TMEM260: variants seen among roughly 807,000 people sequenced by gnomAD.
TMEM260 encodes protein O-mannosyl-transferase TMEM260.
TMEM260 carries 82 observed loss-of-function variants against 88.9 expected under a neutral mutation model. The observed-to-expected ratio is 0.92, with a 90% confidence interval of 0.77 to 1.11. TMEM260 has a LOEUF of 1.11. TMEM260 is among the 50% of genes least tolerant of loss of function. TMEM260 has a pLI of 0.00. For synonymous variants in TMEM260, 314 were observed against 309.3 expected, an observed-to-expected ratio of 1.02 and a Z score of -0.16; for missense variants, 902 against 853.4, an observed-to-expected ratio of 1.06 and a Z score of -0.71.
intron 15 of TMEM260, among the ~76,000 whole-genome samples, chr14:56,640,617 A>G (rs1889512777): frequency 6.6e-6 from 1 of 152,234 alleles, no homozygotes; most frequent in Non-Finnish European, 1.5e-5. Context: ...ACAGCTCCTC[A>G]CCAGCAATGG....
chr14:56,640,172 G>C (rs1310882068), intron 15 of TMEM260, among the ~76,000 whole-genome samples: 1 of 152,214 alleles, frequency 6.6e-6, no homozygotes, highest in Admixed American at 6.5e-5. Context: ...TGCAGCCTGA[G>C]ATCTGAGAAT....
At chr14:56,618,475 C>A in intron 9 of TMEM260, 119 bp from the exon 10 acceptor site, 1 of 905,084 alleles carries the variant, frequency 1.1e-6, no homozygotes. Flanking sequence ...TTAACAAAAC[C>A]TGAATGACAA....
At chr14:56,640,945 A>T (rs1036209865) in intron 15 of TMEM260, among the ~76,000 whole-genome samples, 4 of 151,084 alleles carry the variant, frequency 2.6e-5, no homozygotes, top group Non-Finnish European at 5.9e-5. Context: ...TTAGAGAAAA[A>T]AGAATAACAA....
At chr14:56,656,918 A>G in the TMEM260 span, among the ~76,000 whole-genome samples, 1 of 152,208 alleles carries the variant, frequency 6.6e-6, no homozygotes, top group East Asian at 1.9e-4. Flanking sequence ...AATCGTGTGC[A>G]CAATTCATTT....
intron 14 of TMEM260, among the ~76,000 whole-genome samples, chr14:56,636,134 C>A (rs1055495335): frequency 6.6e-6 from 1 of 152,120 alleles, no homozygotes; most frequent in Non-Finnish European, 1.5e-5. Context: ...CTTGGAAGAA[C>A]TGGGCACACA....
At chr14:56,608,964 A>G (rs1887080933) in intron 5 of TMEM260, 142 bp from the exon 6 acceptor site, 1 of 871,672 alleles carries the variant, frequency 1.1e-6, no homozygotes, top group South Asian at 1.9e-5. Flanking sequence ...GGTTTAACAT[A>G]GTATTCTGTG....
rs937708052 is a variant in TMEM260, at chr14:56,648,432, C to T, written c.*935C>T. On this transcript the variant is annotated 3_prime_UTR_variant, in exon 16 of 16. Transcript: ENST00000261556. ...TTAATGAATAAAGTCACTCAGAGTC[C>T]TTCAGCACTTCCTAAGTAGAGGCCA... 3 of 152,566 alleles carry T rather than the reference C, an allele frequency of 2.0e-5. No homozygotes were observed. Among genetic ancestry groups the T allele is most frequent in the African/African-American group, 7.2e-5 (3 of 41,430 alleles). 9.5% of individuals were successfully genotyped at this position (152,566 alleles called of 1,614,324 possible).
intron 11 of TMEM260, among the ~76,000 whole-genome samples, chr14:56,623,544 C>T (rs188609142): frequency 6.6e-6 from 1 of 152,254 alleles, no homozygotes; most frequent in Admixed American, 6.5e-5. Context: ...AACATTGCAG[C>T]CTGAGCTACC....
At chr14:56,636,091 G>C (rs1177550892) in intron 14 of TMEM260, among the ~76,000 whole-genome samples, 1 of 152,134 alleles carries the variant, frequency 6.6e-6, no homozygotes, top group African/African-American at 2.4e-5. Flanking sequence ...AATACAACTT[G>C]GATGAGTTCA....
At chr14:56,581,252 G>T (rs1321272059) in intron 1 of TMEM260, among the ~76,000 whole-genome samples, 1 of 152,190 alleles carries the variant, frequency 6.6e-6, no homozygotes, top group Non-Finnish European at 1.5e-5. Flanking sequence ...CCATATTCAA[G>T]GGGGAAGGAT....
chr14:56,639,142 A>G (rs955828439), intron 15 of TMEM260, among the ~76,000 whole-genome samples: 3 of 152,148 alleles, frequency 2.0e-5, no homozygotes, highest in East Asian at 1.9e-4. Context: ...TTGGACTTCA[A>G]CACCTTAGTG....
chr14:56,631,735 C>G (rs958712853), intron 12 of TMEM260, among the ~76,000 whole-genome samples: 5 of 152,186 alleles, frequency 3.3e-5, no homozygotes, highest in Non-Finnish European at 5.9e-5. Flanking sequence ...CGGTTAAACT[C>G]TGCTGTTTTG....
intron 15 of TMEM260, among the ~76,000 whole-genome samples, chr14:56,638,909 G>A (rs895847571): frequency 5.3e-5 from 8 of 152,024 alleles, no homozygotes; most frequent in African/African-American, 1.9e-4. Flanking sequence ...ATATAGAGGA[G>A]GAAATATAAT....
intron 12 of TMEM260, among the ~76,000 whole-genome samples, chr14:56,629,873 AAAAAAT>A (rs921474091): frequency 6.6e-5 from 10 of 152,060 alleles, no homozygotes; most frequent in South Asian, 2.1e-4. Context: ...TGTCGCTACA[AAAAAAT>A]AAAAATAAAA....
intron 6 of TMEM260, among the ~76,000 whole-genome samples, chr14:56,609,692 A>T (rs1281624448): frequency 6.6e-6 from 1 of 152,058 alleles, no homozygotes; most frequent in Non-Finnish European, 1.5e-5. Context: ...TTATTTATTT[A>T]TTTTTTACAT....
intron 15 of TMEM260, among the ~76,000 whole-genome samples, chr14:56,641,952 G>A (rs1889626949): frequency 6.6e-6 from 1 of 152,006 alleles, no homozygotes; most frequent in South Asian, 2.1e-4. Context: ...AATTCAACAA[G>A]AAGAACTAAC....
At chr14:56,627,394 C>T (rs538698882) in intron 12 of TMEM260, among the ~76,000 whole-genome samples, 2 of 152,070 alleles carry the variant, frequency 1.3e-5, no homozygotes, top group Non-Finnish European at 2.9e-5. Context: ...TATTTACTAT[C>T]ATAAAACAAT....
chr14:56,584,777 A>G (rs1885379767), intron 1 of TMEM260, among the ~76,000 whole-genome samples: 1 of 152,170 alleles, frequency 6.6e-6, no homozygotes, highest in Admixed American at 6.5e-5. Flanking sequence ...ATGTACCTAT[A>G]TTTCCACTGA....
intron 15 of TMEM260, among the ~76,000 whole-genome samples, chr14:56,638,615 T>C (rs989210868): frequency 1.4e-4 from 21 of 152,156 alleles, no homozygotes; most frequent in Non-Finnish European, 2.8e-4. Context: ...AGTCTCCAGA[T>C]GTGTGACAAT....
Sources: allele counts gnomAD v4.1 joint callset (sites outside exome capture counted in the v4.1 genomes callset), GRCh38; gene constraint gnomAD v4.1.1; transcripts MANE v1.5; gene names NCBI Gene and HGNC (gene_info 2026-07-23, HGNC 2026-07-21).